SHQ1: variants seen among roughly 807,000 people sequenced by gnomAD.
SHQ1 encodes SHQ1, H/ACA ribonucleoprotein assembly factor.
Under a neutral mutation model 53.8 loss-of-function variants are expected in SHQ1, and 49 were observed. The observed-to-expected ratio is 0.91, with a 90% CI of 0.72 to 1.16. SHQ1 has a LOEUF of 1.16. SHQ1 is among the 50% of genes most tolerant of loss of function. The pLI, the probability that SHQ1 is intolerant of heterozygous loss-of-function variation, is 0.00. For missense variants in SHQ1, 738 were observed against 683.1 expected, an observed-to-expected ratio of 1.08 and a Z score of -0.90; for synonymous variants, 243 against 251.0, an observed-to-expected ratio of 0.97 and a Z score of 0.30.
At chr3:72,811,152 A>C (rs1024247593) in intron 9 of SHQ1, among the ~76,000 whole-genome samples, 4 of 152,192 alleles carry the variant, frequency 2.6e-5, no homozygotes, top group Non-Finnish European at 4.4e-5. Context: ...AATAAAAAGT[A>C]ACAAGCAATA....
chr3:72,814,753 A>T (rs1707254908), intron 8 of SHQ1, among the ~76,000 whole-genome samples: 1 of 152,178 alleles, frequency 6.6e-6, no homozygotes, highest in South Asian at 2.1e-4. Context: ...GACCTGCACA[A>T]CTATTTTTCA....
At chr3:72,740,152 C>T in the SHQ1 span, among the ~76,000 whole-genome samples, 3 of 152,206 alleles carry the variant, frequency 2.0e-5, no homozygotes, top group East Asian at 5.8e-4. Context: ...CCTGACCTTG[C>T]CTTCAGCTCC....
chr3:72,759,516 T>G (rs1375295789), intron 10 of SHQ1, among the ~76,000 whole-genome samples: 1 of 151,912 alleles, frequency 6.6e-6, no homozygotes, highest in Non-Finnish European at 1.5e-5. Flanking sequence ...CATGGGGAAA[T>G]CCTGTCTCTA....
At chr3:72,830,526 AAG>A (rs1707794174) in intron 5 of SHQ1, among the ~76,000 whole-genome samples, 1 of 152,144 alleles carries the variant, frequency 6.6e-6, no homozygotes, top group Non-Finnish European at 1.5e-5. Flanking sequence ...AGCTAAAAAA[AAG>A]AATTTTTAAA....
the SHQ1 span, among the ~76,000 whole-genome samples, chr3:72,725,600 CT>C: frequency 6.6e-6 from 1 of 152,206 alleles, no homozygotes; most frequent in Admixed American, 6.5e-5. Flanking sequence ...TAATGACTTG[CT>C]TGTTTACCTA....
At chr3:72,785,685 A>G (rs1055477322) in intron 10 of SHQ1, among the ~76,000 whole-genome samples, 1 of 152,220 alleles carries the variant, frequency 6.6e-6, no homozygotes, top group Admixed American at 6.5e-5. Context: ...TAGCTAGAAC[A>G]AGAAAATTTG....
chr3:72,742,025 T>C, the SHQ1 span, among the ~76,000 whole-genome samples: 1 of 151,870 alleles, frequency 6.6e-6, no homozygotes, highest in East Asian at 1.9e-4. Flanking sequence ...CTGGAACCAA[T>C]CTCCCACAGA....
At chr3:72,801,617 G>A (rs1287165762) in intron 9 of SHQ1, among the ~76,000 whole-genome samples, 1 of 152,128 alleles carries the variant, frequency 6.6e-6, no homozygotes, top group Non-Finnish European at 1.5e-5. Flanking sequence ...GGTAAAAAAG[G>A]AGAAAAACCA....
intron 4 of SHQ1, among the ~76,000 whole-genome samples, chr3:72,834,402 C>T (rs1707930380): frequency 6.6e-6 from 1 of 152,106 alleles, no homozygotes; most frequent in South Asian, 2.1e-4. Context: ...TGGTGGCGTG[C>T]ACCTGTAATC....
At position 72,750,581 on chromosome 3, in the gene SHQ1, T is replaced by C. The variant is rs1248448748; in HGVS notation, c.1437A>G (p.Glu479=). The C allele has an allele frequency of 4.3e-6, 7 of 1,614,118 alleles. No homozygotes were observed. The highest frequency in any genetic ancestry group is 4.0e-5 in the African/African-American group (3 of 74,944). ...EDSGSDSEQD[E]LKDSPSETVS... is the part of the protein sequence containing the mutation. Reference sequence around the variant, plus strand: ...CTGTCTCAGATGGACTATCTTTGAGTTCATCTTGTTCTGAATCTGAGCCTG... The same window carrying C: ...CTGTCTCAGATGGACTATCTTTGAGCTCATCTTGTTCTGAATCTGAGCCTG... Residue 479 remains glutamate (E), a synonymous_variant, in exon 11 of 11, where the codon GAA becomes GAG. Transcript: ENST00000325599.
intron 1 of SHQ1, 123 bp downstream of exon 1, chr3:72,848,075 C>A (rs1348196823): frequency 8.3e-7 from 1 of 1,200,396 alleles, no homozygotes; most frequent in Non-Finnish European, 1.2e-6. Context: ...CCAAGAGAAG[C>A]TGCGGAAACG....
downstream of SHQ1, among the ~76,000 whole-genome samples, chr3:72,749,000 G>C (rs1037317206): frequency 7.0e-5 from 10 of 142,552 alleles, no homozygotes; most frequent in African/African-American, 2.6e-4. Context: ...CACACACACA[G>C]GCAGAAGATT....
intron 10 of SHQ1, among the ~76,000 whole-genome samples, chr3:72,788,705 A>G (rs1160597714): frequency 3.9e-5 from 6 of 152,220 alleles, no homozygotes; most frequent in Non-Finnish European, 5.9e-5. Context: ...AGAAGTAGAC[A>G]TAGGAGACTC....
In SHQ1 at chr3:72,846,441, G is replaced by A. The variant is rs1004500292; in HGVS notation, c.143+1757C>T. On this transcript the variant is annotated intron_variant, in intron 1 of 10. Transcript: ENST00000325599. ...TTCCCAAGTAGCTAGGACTACAAGC[G>A]CGTGCCATCAAGCCCAGATAATTTT... 572 of 747,410 alleles carry A rather than the reference G, an allele frequency of 7.7e-4. 5 individuals carry two copies. The highest frequency in any genetic ancestry group is 1.3e-4 in the Non-Finnish European group (61 of 471,606). 46.3% of individuals were successfully genotyped at this position (747,410 alleles called of 1,614,324 possible). A position where few individuals can be genotyped will look rare whatever the true frequency, so the allele number is the denominator to read the frequency against.
Position 72,750,053 on chromosome 3 carries a change from T to G in SHQ1, c.*231A>C, listed in dbSNP as rs1215346200. ...CTGTGGAAATAGTTGTCATACTGTA[T>G]TATTTAGAGAATAATAACAAGAAAA... On this transcript the variant is annotated 3_prime_UTR_variant, in exon 11 of 11. Coordinates refer to ENST00000325599, the MANE Select transcript of SHQ1 (RefSeq NM_018130.3). 1 of 523,080 alleles carries G rather than the reference T, an allele frequency of 1.9e-6. No homozygotes were observed. 32.4% of individuals were successfully genotyped at this position (523,080 alleles called of 1,614,324 possible).
At chr3:72,834,540 A>T (rs1707933174) in intron 4 of SHQ1, among the ~76,000 whole-genome samples, 1 of 152,182 alleles carries the variant, frequency 6.6e-6, no homozygotes, top group African/African-American at 2.4e-5. Context: ...AAAAAAAAAG[A>T]AGTCGTCGTC....
chr3:72,846,103 G>T, intron 1 of SHQ1: 1 of 1,058,312 alleles, frequency 9.4e-7, no homozygotes, highest in Non-Finnish European at 1.4e-6. Context: ...TTAGTGGCCG[G>T]CACAACAGGT....
chr3:72,789,094 A>T (rs959164225), intron 10 of SHQ1, among the ~76,000 whole-genome samples: 1 of 150,616 alleles, frequency 6.6e-6, no homozygotes, highest in Non-Finnish European at 1.5e-5. Flanking sequence ...AAAAAAAAAA[A>T]AAAAGAAAAA....
At position 72,841,074 on chromosome 3, in the gene SHQ1, A is replaced by C; in HGVS notation, c.457T>G (p.Leu153Val). 1.2e-6 allele frequency: 2 copies of C among 1,613,850 alleles called. No homozygotes were observed. Among genetic ancestry groups the C allele is most frequent in the South Asian group, 2.2e-5 (2 of 91,000 alleles). ...AACCGTTGCAACACTCCTGATCGTA[A>C]GTTTCCAAATCCATAGTGGCACTGC... The part of the protein sequence containing the change: ...NPQCHYGFGN[L>V]RSGVLQRLQD... Residue 153 changes from leucine (L) to valine (V), a missense_variant, in exon 4 of 11, where the codon TTA (leucine) becomes GTA (valine). Physicochemically the swap from Leu to Val is conservative, Grantham distance 32. Transcript: ENST00000325599.
Sources: gnomAD v4.1 joint callset for allele counts (sites outside exome capture counted in the v4.1 genomes callset) on GRCh38, gnomAD v4.1.1 for gene constraint, MANE v1.5 for transcripts, NCBI Gene and HGNC (gene_info 2026-07-23, HGNC 2026-07-21) for gene names.